Variants in TMCC3 observed in about 807,000 individuals in gnomAD.
The protein encoded by TMCC3 is transmembrane and coiled-coil domain family 3.
In TMCC3, 28 loss-of-function variants were observed where a neutral mutation model predicts 40.2. The ratio of observed to expected loss-of-function variants is 0.70; its 90% CI spans 0.52 to 0.95. The LOEUF is 0.95. Ranked by LOEUF, TMCC3 falls within the 40% of genes least tolerant of loss-of-function variation. The pLI, the probability that TMCC3 is intolerant of heterozygous loss-of-function variation, is 0.00. For synonymous variants in TMCC3, 255 were observed against 248.5 expected, an observed-to-expected ratio of 1.03 and a Z score of -0.25; for missense variants, 554 against 615.2, an observed-to-expected ratio of 0.90 and a Z score of 1.05.
intron 1 of TMCC3, among the ~76,000 whole-genome samples, chr12:94,592,415 G>C: frequency 6.6e-6 from 1 of 151,240 alleles, no homozygotes. Context: ...TGAGGTGGGT[G>C]GATCACTTGA....
intron 1 of TMCC3, chr12:94,615,848 T>A (rs1208384728): frequency 1.2e-6 from 1 of 838,138 alleles, no homozygotes; most frequent in Non-Finnish European, 1.4e-6. Context: ...TCTCCCAGGA[T>A]ATTAAAGACC....
intron 2 of TMCC3, among the ~76,000 whole-genome samples, chr12:94,579,908 T>C (rs2068589907): frequency 6.6e-6 from 1 of 152,240 alleles, no homozygotes; most frequent in African/African-American, 2.4e-5. Flanking sequence ...GAAAGTGCTA[T>C]ATCCCAGACT....
chr12:94,625,972 C>T (rs2068902335), intron 1 of TMCC3, among the ~76,000 whole-genome samples: 1 of 152,156 alleles, frequency 6.6e-6, no homozygotes, highest in Non-Finnish European at 1.5e-5. Context: ...AAAGATACTA[C>T]CCGAGATTGG....
rs188353933 is a variant in TMCC3 at position 94,572,025 on chromosome 12, T to G, written c.1132-288A>C. 6.6e-3 allele frequency among the ~76,000 whole-genome samples: 1,004 copies of G among 152,284 alleles called. 10 individuals are homozygous for G. Among genetic ancestry groups the G allele is most frequent in the African/African-American group, 0.023 (966 of 41,562 alleles). ...GACTTTACCTGTTTTTTTTGAGATG[T>G]AGTCTTGCTCTGTCGCCAGGCTGGA... is the stretch of plus-strand genomic sequence containing the variant. On this transcript the variant is annotated intron_variant, in intron 3 of 3. Transcript: ENST00000261226.
chr12:94,621,188 T>C (rs2068874008), intron 1 of TMCC3, among the ~76,000 whole-genome samples: 1 of 152,230 alleles, frequency 6.6e-6, no homozygotes, highest in Non-Finnish European at 1.5e-5. Context: ...GAACAAACTA[T>C]TGCAGTACTC....
Position 94,581,766 on chromosome 12 carries a change from T to C in TMCC3, c.851A>G (p.Gln284Arg). Reference protein sequence around the residue: ...GAGGASTLDSQGKLAVILEEL... With the variant: ...GAGGASTLDSRGKLAVILEEL... Reference sequence around the variant, plus strand: ...CTCCAGGATCACGGCGAGCTTGCCCTGGCTGTCCAGTGTGCTGGCTCCACC... The same window carrying C: ...CTCCAGGATCACGGCGAGCTTGCCCCGGCTGTCCAGTGTGCTGGCTCCACC... Residue 284 changes from glutamine to arginine, a missense_variant, in exon 2 of 4, where the codon CAG becomes CGG. Physicochemically the swap from Gln to Arg is conservative, Grantham distance 43. Transcript: ENST00000261226. 1 of 1,614,118 alleles carries C rather than the reference T, an allele frequency of 6.2e-7. No homozygotes were observed. Among genetic ancestry groups the C allele is most frequent in the Admixed American group, 1.7e-5 (1 of 60,020 alleles).
chr12:94,605,068 G>A (rs1227012436), intron 1 of TMCC3, among the ~76,000 whole-genome samples: 1 of 152,138 alleles, frequency 6.6e-6, no homozygotes, highest in Non-Finnish European at 1.5e-5. Context: ...TGAGGGCTGG[G>A]GTGAAAAAGA....
intron 1 of TMCC3, among the ~76,000 whole-genome samples, chr12:94,627,325 T>C (rs1284183821): frequency 6.6e-6 from 1 of 152,168 alleles, no homozygotes; most frequent in Non-Finnish European, 1.5e-5. Context: ...GGGGAGGGCT[T>C]TACCACAGCC....
At chr12:94,597,739 G>A (rs897993900) in intron 1 of TMCC3, among the ~76,000 whole-genome samples, 25 of 151,582 alleles carry the variant, frequency 1.6e-4, no homozygotes, top group African/African-American at 5.6e-4. Context: ...CCTGGGAGGC[G>A]GAGGTTGCAG....
chr12:94,649,133 A>G (rs1465457287), intron 1 of TMCC3, among the ~76,000 whole-genome samples: 2 of 152,252 alleles, frequency 1.3e-5, no homozygotes, highest in African/African-American at 2.4e-5. Context: ...AAATATATTC[A>G]ATCTGTAAAA....
chr12:94,603,767 A>T (rs911277636), intron 1 of TMCC3, among the ~76,000 whole-genome samples: 1 of 152,250 alleles, frequency 6.6e-6, no homozygotes, highest in Non-Finnish European at 1.5e-5. Context: ...ACTTTACTGT[A>T]AGTGAAACCT....
chr12:94,636,239 C>A (rs944184772), intron 1 of TMCC3, among the ~76,000 whole-genome samples: 1 of 152,060 alleles, frequency 6.6e-6, no homozygotes, highest in Non-Finnish European at 1.5e-5. Context: ...TTCAAAGATT[C>A]AAATATACAA....
intron 1 of TMCC3, among the ~76,000 whole-genome samples, chr12:94,619,901 C>T (rs189518003): frequency 1.7e-4 from 26 of 152,262 alleles, no homozygotes; most frequent in East Asian, 1.5e-3. Flanking sequence ...CAGTAGCTCA[C>T]GCCTATAGTC....
At chr12:94,599,388 C>G (rs1171640310) in intron 1 of TMCC3, among the ~76,000 whole-genome samples, 2 of 152,124 alleles carry the variant, frequency 1.3e-5, no homozygotes, top group Non-Finnish European at 2.9e-5. Flanking sequence ...TCCCCGCCGC[C>G]CCCACATGCA....
rs781287849 is a variant in TMCC3, at chr12:94,650,414, G to A, written c.17C>T (p.Thr6Met). Residue 6 changes from threonine to methionine, a missense_variant, in exon 1 of 4, where the codon ACG becomes ATG. Transcript: ENST00000261226. ...GTAGGTCCGGTCCACGGTGAGCGCC[G>A]TGTCGCTGCCCGGCATCTCCGCGCT... Reference protein sequence around the residue: MPGSDTALTVDRTYSY... With the variant: MPGSDMALTVDRTYSY... The A allele has an allele frequency of 3.8e-6, 5 of 1,310,370 alleles. No individual in the cohort carries two copies. The highest frequency in any genetic ancestry group is 4.0e-5 in the South Asian group (2 of 50,012). The allele number at this position is 1,310,370 out of a possible 1,614,324, so 81.2% of individuals were successfully genotyped here. A position where few individuals can be genotyped will look rare whatever the true frequency, so the allele number is the denominator to read the frequency against.
intron 2 of TMCC3, among the ~76,000 whole-genome samples, chr12:94,578,769 G>A (rs892600832): frequency 1.3e-5 from 2 of 152,150 alleles, no homozygotes; most frequent in Non-Finnish European, 2.9e-5. Flanking sequence ...AGGTGCACAC[G>A]GGTCAGACTA....
At chr12:94,643,904 G>C (rs2069004233) in intron 1 of TMCC3, among the ~76,000 whole-genome samples, 1 of 152,206 alleles carries the variant, frequency 6.6e-6, no homozygotes, top group South Asian at 2.1e-4. Flanking sequence ...CAAGATCTTA[G>C]AGAAACTAAT....
chr12:94,579,463 C>T (rs1049014781), intron 2 of TMCC3, among the ~76,000 whole-genome samples: 5 of 152,148 alleles, frequency 3.3e-5, no homozygotes, highest in African/African-American at 4.8e-5. Context: ...GCCCAGATCG[C>T]GCCACTGCAC....
At chr12:94,633,804 T>C (rs1356970857) in intron 1 of TMCC3, among the ~76,000 whole-genome samples, 3 of 152,244 alleles carry the variant, frequency 2.0e-5, no homozygotes, top group Admixed American at 2.0e-4. Flanking sequence ...AATTATTCAC[T>C]AACAGTTCGC....
Sources: allele counts gnomAD v4.1 joint callset (sites outside exome capture counted in the v4.1 genomes callset), GRCh38; gene constraint gnomAD v4.1.1; transcripts MANE v1.5; gene names NCBI Gene and HGNC (gene_info 2026-07-23, HGNC 2026-07-21).